Variants in PYGL observed in about 807,000 individuals in gnomAD.
The protein encoded by PYGL is glycogen phosphorylase, liver form.
PYGL carries 90 observed loss-of-function variants against 100.1 expected under a neutral mutation model. That is an observed-to-expected ratio of 0.90 (90% confidence interval 0.76 to 1.07). The LOEUF (loss-of-function observed/expected upper bound fraction) is 1.07. Among genes scored for constraint, PYGL ranks in the 50% least tolerant of loss-of-function variants. The pLI is 0.00. For synonymous variants in PYGL, 373 were observed against 393.0 expected, an observed-to-expected ratio of 0.95 and a Z score of 0.60; for missense variants, 1,016 against 1,057.6, an observed-to-expected ratio of 0.96 and a Z score of 0.55.
intron 1 of PYGL, among the ~76,000 whole-genome samples, chr14:50,941,427 T>C (rs1274816781): frequency 6.6e-6 from 1 of 152,162 alleles, no homozygotes; most frequent in Non-Finnish European, 1.5e-5. Flanking sequence ...CTGCAACAAA[T>C]GGGTAGCTAG....
rs1177845900 is a variant in PYGL at position 50,933,899 on chromosome 14, G to T, written c.424+1208C>A. The stretch of plus-strand genomic sequence containing the variant: ...TTTAAAAAACAAATGGTATCACACT[G>T]TATGGCTTTAATGCAATTTGATTTC... On this transcript the variant is annotated intron_variant, in intron 3 of 19. Coordinates refer to ENST00000216392, the MANE Select transcript of PYGL (RefSeq NM_002863.5). Among the ~76,000 whole-genome samples the T allele has an allele frequency of 2.0e-5, 3 of 152,096 alleles. No individual in the cohort carries two copies. In the East Asian group the frequency reaches 5.8e-4, roughly 29 times the overall value.
chr14:50,920,566 G>A lies in PYGL; in HGVS notation c.830C>T (p.Ser277Phe). 2 of 1,613,372 alleles carry A rather than the reference G, an allele frequency of 1.2e-6. No individual in the cohort carries two copies. The highest frequency in any genetic ancestry group is 1.7e-6 in the Non-Finnish European group (2 of 1,179,312). The change falls in exon 7 of 20, where the codon TCC (serine) becomes TTC (phenylalanine). Residue 277 changes from serine to phenylalanine, a missense_variant. Physicochemically the swap from Ser to Phe is radical, Grantham distance 155. Coordinates refer to ENST00000216392, the MANE Select transcript of PYGL (RefSeq NM_002863.5). ...VLDRNLAENI[S>F]RVLYPNDNFF... is the part of the protein sequence containing the mutation. ...ATTGTCATTGGGATAGAGGACCCGG[G>A]AGATGTTCTCGGCCAGGTTTCGGTC...
At chr14:50,940,609 A>G (rs1032935040) in intron 1 of PYGL, among the ~76,000 whole-genome samples, 2 of 152,218 alleles carry the variant, frequency 1.3e-5, no homozygotes, top group African/African-American at 2.4e-5. Context: ...ATAAGACTTC[A>G]AAAAATAGAT....
Position 50,944,393 on chromosome 14 carries a change from G to A in PYGL, c.11C>T (p.Pro4Leu). 6.2e-7 allele frequency: 1 copy of A among 1,611,786 alleles called. No homozygotes were observed. Among genetic ancestry groups the A allele is most frequent in the East Asian group, 2.2e-5 (1 of 44,848 alleles). MAK[P>L]LTDQEKRRQI... ...CCGCCGCTTCTCCTGGTCCGTCAGG[G>A]GCTTCGCCATGGCTGGGGCGGCGGG... The change falls in exon 1 of 20, where the codon CCC (proline) becomes CTC (leucine). Residue 4 changes from proline (P) to leucine (L), a missense_variant. By Grantham distance (98) the Pro-to-Leu change is moderately conservative. Transcript: ENST00000216392.
intron 1 of PYGL, among the ~76,000 whole-genome samples, chr14:50,942,752 CG>C (rs2050711768): frequency 9.6e-6 from 1 of 104,536 alleles, no homozygotes; most frequent in African/African-American, 2.8e-5. Flanking sequence ...ACCCTGGAGG[CG>C]AAGGATGCAG....
intron 19 of PYGL, among the ~76,000 whole-genome samples, chr14:50,907,703 T>C (rs2050347917): frequency 6.6e-6 from 1 of 152,166 alleles, no homozygotes; most frequent in South Asian, 2.1e-4. Flanking sequence ...GAGTGGGTGC[T>C]CAAAAAATAT....
chr14:50,928,847 T>G, intron 4 of PYGL, among the ~76,000 whole-genome samples: 1 of 152,206 alleles, frequency 6.6e-6, no homozygotes, highest in South Asian at 2.1e-4. Context: ...TCTTGACAGA[T>G]GCATTTTGCT....
At chr14:50,914,856 G>A (rs748941321) in intron 11 of PYGL, 41 bp from the exon 12 acceptor site, 66 of 1,454,130 alleles carry the variant, frequency 4.5e-5, no homozygotes, top group Non-Finnish European at 5.7e-5. Flanking sequence ...TGGCTGAAAC[G>A]GCAAAGGGTC....
At chr14:50,916,434 C>T (rs1484751968) in intron 9 of PYGL, among the ~76,000 whole-genome samples, 1 of 152,072 alleles carries the variant, frequency 6.6e-6, no homozygotes, top group Non-Finnish European at 1.5e-5. Context: ...ATTTGTGTCC[C>T]ATTAGGAATG....
At chr14:50,924,952 T>C (rs918547148) in intron 4 of PYGL, among the ~76,000 whole-genome samples, 3 of 152,224 alleles carry the variant, frequency 2.0e-5, no homozygotes, top group African/African-American at 7.2e-5. Flanking sequence ...GGATGTATTT[T>C]TAAATTATTG....
chr14:50,906,551 C>T (rs1287525994), intron 19 of PYGL, among the ~76,000 whole-genome samples: 3 of 152,094 alleles, frequency 2.0e-5, no homozygotes, highest in Admixed American at 6.5e-5. Flanking sequence ...CAAGAAAGAC[C>T]GAATCAAATG....
intron 1 of PYGL, 115 bp downstream of exon 1, chr14:50,944,046 C>A: frequency 1.5e-6 from 2 of 1,362,884 alleles, no homozygotes; most frequent in Non-Finnish European, 1.0e-6. Context: ...GACTTCGGGG[C>A]AAGGACCGGG....
rs747085688 is a variant in PYGL, at chr14:50,915,895, A to G, written c.1169T>C (p.Val390Ala). 1 of 1,614,094 alleles carries G rather than the reference A, an allele frequency of 6.2e-7. No homozygotes were observed. Among genetic ancestry groups the G allele is most frequent in the Non-Finnish European group, 8.5e-7 (1 of 1,180,024 alleles). The change falls in exon 10 of 20, where the codon GTG becomes GCG. Residue 390 changes from valine to alanine, a missense_variant. Transcript: ENST00000216392. Reference sequence around the variant, plus strand: ...AGGGAGCAGCTTCTCCACCAGGTCCACGGGCCAGCGCTCCAGGGCTTCCGG... The same window carrying G: ...AGGGAGCAGCTTCTCCACCAGGTCCGCGGGCCAGCGCTCCAGGGCTTCCGG... ...VLPEALERWPVDLVEKLLPRH... is the reference protein window; with the variant it reads ...VLPEALERWPADLVEKLLPRH...
At chr14:50,912,494 A>C in intron 13 of PYGL, 191 bp from the exon 14 acceptor site, 1 of 673,888 alleles carries the variant, frequency 1.5e-6, no homozygotes, top group South Asian at 1.8e-5. Context: ...GGTATACACC[A>C]CTACTGCCTG....
At chr14:50,933,502 T>A (rs998468696) in intron 3 of PYGL, among the ~76,000 whole-genome samples, 1 of 152,232 alleles carries the variant, frequency 6.6e-6, no homozygotes, top group African/African-American at 2.4e-5. Flanking sequence ...TAATTATTTT[T>A]CATAGAATAC....
At chr14:50,908,050 C>T (rs2050351245) in intron 19 of PYGL, 1 of 391,612 alleles carries the variant, frequency 2.6e-6, no homozygotes, top group Non-Finnish European at 4.6e-6. Flanking sequence ...AATTACAACT[C>T]CTGCTGAAAT....
At position 50,911,949 on chromosome 14, in the gene PYGL, C is replaced by T. The variant is rs762770088; in HGVS notation, c.1827+29G>A. ...AAGAATGGCAAGAGATTAGAGCCCT[C>T]AAGTCCCCATTGAATAGATTCAACT... On this transcript the variant is annotated intron_variant, in intron 15 of 19. Coordinates refer to ENST00000216392, the MANE Select transcript of PYGL (RefSeq NM_002863.5). 87 of 1,613,064 alleles carry T rather than the reference C, an allele frequency of 5.4e-5. No homozygotes were observed. In the Middle Eastern group the frequency reaches 4.5e-3, roughly 83 times the overall value.
rs775355194 is a variant in PYGL at position 50,915,294 on chromosome 14, T to C, written c.1403+42A>G. Reference sequence around the variant, plus strand: ...GCATTTAGTAGCATCATTCCATTAATGGATCAGTGTCAGACCCACTGCCAG... The same window carrying C: ...GCATTTAGTAGCATCATTCCATTAACGGATCAGTGTCAGACCCACTGCCAG... On this transcript the variant is annotated intron_variant, in intron 11 of 19. Transcript: ENST00000216392. 2.4e-5 allele frequency: 39 copies of C among 1,603,482 alleles called. No homozygotes were observed. The South Asian group carries it at 4.3e-4, about 18-fold the overall frequency.
At chr14:50,925,218 A>C (rs564427760) in intron 4 of PYGL, among the ~76,000 whole-genome samples, 1 of 152,364 alleles carries the variant, frequency 6.6e-6, no homozygotes, top group African/African-American at 2.4e-5. Context: ...ATATCTAAAC[A>C]TAGAAATAGT....
Sources: allele counts gnomAD v4.1 joint callset (sites outside exome capture counted in the v4.1 genomes callset), GRCh38; gene constraint gnomAD v4.1.1; transcripts MANE v1.5; gene names NCBI Gene and HGNC (gene_info 2026-07-23, HGNC 2026-07-21).